The following MRTFA variants were observed in gnomAD, a reference collection of about 807,000 sequenced individuals.
MRTFA encodes myocardin-related transcription factor A.
In MRTFA, 20 loss-of-function variants were observed where a neutral mutation model predicts 83.5. The ratio of observed to expected loss-of-function variants is 0.24; its 90% CI spans 0.17 to 0.35. The LOEUF is 0.35. Ranked by LOEUF, MRTFA falls within the 10% of genes least tolerant of loss-of-function variation. The pLI is 1.00. For missense variants in MRTFA, 1,200 were observed against 1,224.7 expected (o/e 0.98, Z 0.30); for synonymous variants, 659 against 541.2 (o/e 1.22, Z -3.02).
At chr22:40,545,002 A>G (rs976260687) in intron 3 of MRTFA, among the ~76,000 whole-genome samples, 11 of 151,102 alleles carry the variant, frequency 7.3e-5, no homozygotes, top group African/African-American at 2.7e-4. Context: ...GATTTCTTTT[A>G]CCAATTTTAT....
chr22:40,489,951 G>A (rs5750946), intron 3 of MRTFA, among the ~76,000 whole-genome samples: 50,884 of 131,700 alleles, frequency 0.39, 10,101 homozygotes, highest in East Asian at 0.67. Flanking sequence ...CAGTCTGGGA[G>A]ACAAAGCATG....
chr22:40,580,135 T>A (rs972548278), intron 2 of MRTFA, among the ~76,000 whole-genome samples: 1 of 152,156 alleles, frequency 6.6e-6, no homozygotes, highest in East Asian at 1.9e-4. Flanking sequence ...ACAGCAAATA[T>A]AGAAACATGT....
intron 1 of MRTFA, among the ~76,000 whole-genome samples, chr22:40,631,768 G>A (rs2056644695): frequency 6.6e-6 from 1 of 152,156 alleles, no homozygotes; most frequent in Non-Finnish European, 1.5e-5. Context: ...AAGGTACATA[G>A]TAAACACACA....
chr22:40,620,109 C>A (rs1044651415), intron 1 of MRTFA, among the ~76,000 whole-genome samples: 3 of 150,220 alleles, frequency 2.0e-5, no homozygotes, highest in Non-Finnish European at 4.4e-5. Flanking sequence ...AGACGCATAC[C>A]ACCACACCCA....
chr22:40,623,464 C>T (rs2056546927), intron 1 of MRTFA, among the ~76,000 whole-genome samples: 1 of 145,002 alleles, frequency 6.9e-6, no homozygotes, highest in South Asian at 2.5e-4. Context: ...AATGCTATCC[C>T]TCCCCCCTCC....
intron 2 of MRTFA, among the ~76,000 whole-genome samples, chr22:40,584,463 G>T (rs150243136): frequency 6.6e-6 from 1 of 152,228 alleles, no homozygotes; most frequent in East Asian, 1.9e-4. Context: ...TCAGGCAGGC[G>T]TGGTGGCTTG....
intron 3 of MRTFA, among the ~76,000 whole-genome samples, chr22:40,511,681 G>T (rs957901044): frequency 2.0e-5 from 3 of 152,144 alleles, no homozygotes; most frequent in Non-Finnish European, 4.4e-5. Context: ...ATAACACAAA[G>T]GTGGAAAATA....
chr22:40,484,838 C>CAA, intron 3 of MRTFA, among the ~76,000 whole-genome samples: 1 of 151,906 alleles, frequency 6.6e-6, no homozygotes, highest in East Asian at 1.9e-4. Context: ...TTTAGGAGGC[C>CAA]GACGCAGGCG....
intron 3 of MRTFA, among the ~76,000 whole-genome samples, chr22:40,464,737 C>A (rs1002644056): frequency 2.0e-5 from 3 of 152,120 alleles, no homozygotes; most frequent in Admixed American, 6.5e-5. Flanking sequence ...CATAACCATG[C>A]GCCTGCCTAC....
chr22:40,631,299 G>A (rs185729705), intron 1 of MRTFA, among the ~76,000 whole-genome samples: 2 of 152,148 alleles, frequency 1.3e-5, no homozygotes, highest in Admixed American at 6.6e-5. Flanking sequence ...TCAGTTCTAC[G>A]CTACTGCCCA....
chr22:40,625,896 A>G (rs142118368), intron 1 of MRTFA, among the ~76,000 whole-genome samples: 100 of 152,286 alleles, frequency 6.6e-4, no homozygotes, highest in Non-Finnish European at 1.1e-3. Flanking sequence ...TGCAAATTTA[A>G]AGAGTGAAAG....
intron 14 of MRTFA, among the ~76,000 whole-genome samples, chr22:40,414,651 G>T (rs2052637667): frequency 6.6e-6 from 1 of 152,164 alleles, no homozygotes. Context: ...CTACTTCTGT[G>T]AGGTCCCCAC....
intron 4 of MRTFA, among the ~76,000 whole-genome samples, chr22:40,439,133 A>G (rs914033688): frequency 6.6e-6 from 1 of 152,256 alleles, no homozygotes; most frequent in Non-Finnish European, 1.5e-5. Flanking sequence ...ATTGGAAGAT[A>G]TAACCTAATT....
At chr22:40,587,085 C>T (rs764766833) in intron 2 of MRTFA, 3 of 452,842 alleles carry the variant, frequency 6.6e-6, no homozygotes, top group East Asian at 1.3e-4. Flanking sequence ...CAGGACTCTA[C>T]GATGAATCTT....
intron 3 of MRTFA, among the ~76,000 whole-genome samples, chr22:40,544,872 G>A (rs1384343018): frequency 1.3e-5 from 2 of 151,904 alleles, no homozygotes; most frequent in Admixed American, 1.3e-4. Flanking sequence ...AGGAGATTGA[G>A]GCCGCAGTGA....
chr22:40,464,125 A>T (rs2053768770), intron 3 of MRTFA, among the ~76,000 whole-genome samples: 1 of 151,476 alleles, frequency 6.6e-6, no homozygotes, highest in Admixed American at 6.6e-5. Context: ...AGACAGTGAA[A>T]CCCCATCTAT....
intron 3 of MRTFA, among the ~76,000 whole-genome samples, chr22:40,493,749 A>C (rs922426192): frequency 6.6e-6 from 1 of 152,238 alleles, no homozygotes. Context: ...ATGTAGAAAA[A>C]CAGTTTGGGA....
intron 1 of MRTFA, among the ~76,000 whole-genome samples, chr22:40,617,726 C>CAA (rs36082563): frequency 0.096 from 11,675 of 121,556 alleles, 652 homozygotes; most frequent in East Asian, 0.24. Context: ...GACTCTGTCT[C>CAA]AAAAAAAAAA....
rs1222007621 is a variant in MRTFA, at chr22:40,411,435, G to A, written c.3051C>T (p.Phe1017=). ...GCAGCTGCAAATCATGGCCATCGAGGAAGTCTGTGGAGAAGAGGCTGGGGG... is the reference window on the plus strand; with the variant it reads ...GCAGCTGCAAATCATGGCCATCGAGAAAGTCTGTGGAGAAGAGGCTGGGGG... The change falls in exon 15 of 15, where the codon TTC becomes TTT. Residue 1017 remains phenylalanine (F), a synonymous_variant. Coordinates refer to ENST00000355630, the MANE Select transcript of MRTFA (RefSeq NM_020831.6). 69 of 1,583,660 alleles carry A rather than the reference G, an allele frequency of 4.4e-5. No individual in the cohort carries two copies. The highest frequency in any genetic ancestry group is 5.7e-5 in the Non-Finnish European group (66 of 1,157,840).
Sources: gnomAD v4.1 joint callset for allele counts (sites outside exome capture counted in the v4.1 genomes callset) on GRCh38, gnomAD v4.1.1 for gene constraint, MANE v1.5 for transcripts, NCBI Gene and HGNC (gene_info 2026-07-23, HGNC 2026-07-21) for gene names.